CREB3L2: variants seen among roughly 807,000 people sequenced by gnomAD.
CREB3L2 encodes cyclic AMP-responsive element-binding protein 3-like protein 2.
A neutral mutation model predicts 57.2 loss-of-function variants in CREB3L2; 23 were observed. That is an observed-to-expected ratio of 0.40 (90% CI 0.29 to 0.57). The LOEUF is 0.57. Among genes scored for constraint, CREB3L2 ranks in the 20% least tolerant of loss-of-function variants. CREB3L2 has a pLI of 0.42. For synonymous variants in CREB3L2, 268 were observed against 265.1 expected (o/e 1.01, Z -0.11); for missense variants, 628 against 634.7 (o/e 0.99, Z 0.11).
chr7:137,976,904 G>A (rs1040062504), intron 1 of CREB3L2, among the ~76,000 whole-genome samples: 6 of 152,198 alleles, frequency 3.9e-5, no homozygotes, highest in South Asian at 2.1e-4. Context: ...AGCTATATAG[G>A]CTACGCAGAC....
chr7:137,997,503 T>C lies in CREB3L2; in HGVS notation c.102+4101A>G, dbSNP rs10256798. Among the ~76,000 whole-genome samples, 985 of 152,226 alleles carry C rather than the reference T, an allele frequency of 6.5e-3. 11 individuals are homozygous for C. The highest frequency in any genetic ancestry group is 0.023 in the African/African-American group (943 of 41,516). On this transcript the variant is annotated intron_variant, in intron 1 of 11. Transcript: ENST00000330387. ...TGGGAGGCCAAGGCAAGAGGGTCCCTTAAACCCAGGAGTTGGAGACCAGCC... is the reference window on the plus strand; with the variant it reads ...TGGGAGGCCAAGGCAAGAGGGTCCCCTAAACCCAGGAGTTGGAGACCAGCC...
chr7:137,985,300 C>A (rs563841238), intron 1 of CREB3L2, among the ~76,000 whole-genome samples: 1 of 152,194 alleles, frequency 6.6e-6, no homozygotes, highest in Non-Finnish European at 1.5e-5. Context: ...GAGGTTCTCT[C>A]GCTCAACAAT....
At chr7:137,964,891 T>C (rs2117291311) in intron 1 of CREB3L2, among the ~76,000 whole-genome samples, 1 of 152,240 alleles carries the variant, frequency 6.6e-6, no homozygotes, top group East Asian at 1.9e-4. Context: ...CTGATGGTTT[T>C]ATAAGGGGAA....
intron 1 of CREB3L2, among the ~76,000 whole-genome samples, chr7:137,951,062 C>T (rs186200388): frequency 2.4e-4 from 37 of 152,324 alleles, no homozygotes; most frequent in Admixed American, 1.6e-3. Context: ...CTGACATGCA[C>T]GTGCCCAGCT....
At chr7:137,920,551 T>C (rs1341718686) in intron 2 of CREB3L2, among the ~76,000 whole-genome samples, 2 of 152,214 alleles carry the variant, frequency 1.3e-5, no homozygotes, top group African/African-American at 4.8e-5. Context: ...TGGTTTGTTA[T>C]GCCGCAACAG....
intron 1 of CREB3L2, among the ~76,000 whole-genome samples, chr7:137,966,635 C>T (rs913146098): frequency 6.6e-6 from 1 of 152,120 alleles, no homozygotes; most frequent in African/African-American, 2.4e-5. Flanking sequence ...CATGTTCATG[C>T]CTCTCAAATA....
intron 5 of CREB3L2, among the ~76,000 whole-genome samples, chr7:137,907,688 T>C (rs1799920506): frequency 1.3e-5 from 2 of 152,230 alleles, no homozygotes; most frequent in Admixed American, 1.3e-4. Context: ...GAGTTAACGA[T>C]CTATTCTTCT....
chr7:137,946,471 C>T (rs915906862), intron 1 of CREB3L2, among the ~76,000 whole-genome samples: 6 of 151,080 alleles, frequency 4.0e-5, no homozygotes, highest in Non-Finnish European at 8.8e-5. Context: ...CAACCATATG[C>T]TCCTGAAAGA....
At chr7:137,913,194 A>C in intron 3 of CREB3L2, 116 bp from the exon 4 acceptor site, 3 of 1,012,406 alleles carry the variant, frequency 3.0e-6, no homozygotes, top group Non-Finnish European at 4.3e-6. Context: ...CCTATCCTGG[A>C]GAATAGCTGA....
intron 1 of CREB3L2, among the ~76,000 whole-genome samples, chr7:137,968,128 C>T (rs992113016): frequency 5.3e-5 from 8 of 151,888 alleles, no homozygotes; most frequent in Non-Finnish European, 1.2e-4. Flanking sequence ...AACACAGCGT[C>T]GTTTCTACCC....
At chr7:137,896,552 C>T (rs867497041) in intron 8 of CREB3L2, among the ~76,000 whole-genome samples, 2 of 152,186 alleles carry the variant, frequency 1.3e-5, no homozygotes, top group African/African-American at 2.4e-5. Context: ...TCACCAGCCA[C>T]GGCCTCCCAA....
chr7:137,912,787 C>A, intron 4 of CREB3L2: 2 of 1,454,256 alleles, frequency 1.4e-6, no homozygotes, highest in South Asian at 2.5e-5. Context: ...AATTTAATCA[C>A]GTGCATATAT....
chr7:137,914,000 T>C (rs964011440), intron 3 of CREB3L2, among the ~76,000 whole-genome samples: 1 of 152,078 alleles, frequency 6.6e-6, no homozygotes, highest in Non-Finnish European at 1.5e-5. Context: ...GTAAATTACA[T>C]ATAGCCACAA....
chr7:137,996,933 G>A (rs187729052), intron 1 of CREB3L2, among the ~76,000 whole-genome samples: 6 of 152,258 alleles, frequency 3.9e-5, no homozygotes, highest in East Asian at 1.9e-4. Flanking sequence ...TAATCATGGC[G>A]AAAATTGCAA....
intron 2 of CREB3L2, among the ~76,000 whole-genome samples, chr7:137,925,435 C>T (rs1800431305): frequency 6.6e-6 from 1 of 152,144 alleles, no homozygotes; most frequent in Non-Finnish European, 1.5e-5. Flanking sequence ...TTTGCTTAAG[C>T]TATTATCACC....
intron 1 of CREB3L2, among the ~76,000 whole-genome samples, chr7:137,946,924 TTA>T (rs71177934): frequency 0.14 from 2,796 of 20,600 alleles, 316 homozygotes; most frequent in East Asian, 0.39. Flanking sequence ...ATATATATAG[TTA>T]TATATATAGT....
At chr7:137,953,642 T>A in intron 1 of CREB3L2, 1 of 686,848 alleles carries the variant, frequency 1.5e-6, no homozygotes, top group Non-Finnish European at 2.3e-6. Context: ...CATTGTGTTT[T>A]AAGGCTGGGA....
chr7:137,941,003 T>A (rs1252234035), intron 1 of CREB3L2, among the ~76,000 whole-genome samples: 1 of 152,254 alleles, frequency 6.6e-6, no homozygotes, highest in African/African-American at 2.4e-5. Context: ...GGTTCTGGCT[T>A]CTAGCCACTT....
At chr7:137,956,405 T>A (rs932832425) in intron 1 of CREB3L2, among the ~76,000 whole-genome samples, 9 of 152,218 alleles carry the variant, frequency 5.9e-5, no homozygotes, top group African/African-American at 2.2e-4. Context: ...CGTTTCGCAG[T>A]GTTAGCAGTG....
Sources: allele counts gnomAD v4.1 joint callset (sites outside exome capture counted in the v4.1 genomes callset), GRCh38; gene constraint gnomAD v4.1.1; transcripts MANE v1.5; gene names NCBI Gene and HGNC (gene_info 2026-07-23, HGNC 2026-07-21).